ETAA1: variants seen among roughly 807,000 people sequenced by gnomAD.
ETAA1 encodes the protein ewing's tumor-associated antigen 1.
In ETAA1, 49 loss-of-function variants were observed where a neutral mutation model predicts 76.8. The observed-to-expected ratio is 0.64, with a 90% CI of 0.51 to 0.81. The LOEUF is 0.81. ETAA1 is among the 30% of genes least tolerant of loss of function. ETAA1 has a pLI of 0.00. For missense variants in ETAA1, 1,099 were observed against 1,074.0 expected (o/e 1.02, Z -0.32); for synonymous variants, 373 against 372.2 (o/e 1.00, Z -0.03).
chr2:67,402,705 A>G (rs1344476203), intron 3 of ETAA1, 157 bp from the exon 4 acceptor site: 5 of 356,674 alleles, frequency 1.4e-5, no homozygotes, highest in Non-Finnish European at 2.0e-5. Flanking sequence ...CCAACTTCCT[A>G]TTGTTTTTGA....
At chr2:67,407,266 AT>A (rs1676246051) in intron 5 of ETAA1, among the ~76,000 whole-genome samples, 2 of 150,986 alleles carry the variant, frequency 1.3e-5, no homozygotes, top group South Asian at 2.1e-4. Context: ...AAAAAAAAAA[AT>A]CACAAAAGAA....
In ETAA1 at chr2:67,397,698, T is replaced by G. The variant is rs1351685368; in HGVS notation, c.223+27T>G. The stretch of plus-strand genomic sequence containing the variant: ...TGAGACGTCGGCAGCGCGGCCTGCC[T>G]TGGCTTCGGCGCCGCATCCCCACAT... On this transcript the variant is annotated intron_variant, in intron 1 of 5. Transcript: ENST00000272342. The G allele has an allele frequency of 1.9e-6, 3 of 1,540,766 alleles. No individual in the cohort carries two copies. In the East Asian group the frequency reaches 7.3e-5, roughly 38 times the overall value.
Position 67,410,028 on chromosome 2 carries a change from C to CATT in ETAA1, c.2772_2774dup (p.Ser924_Phe925insLeu), listed in dbSNP as rs765838098. 20 of 1,602,158 alleles carry CATT rather than the reference C, an allele frequency of 1.2e-5. No individual in the cohort carries two copies. The African/African-American group carries it at 2.7e-4, about 22-fold the overall frequency. On this transcript the variant is annotated inframe_insertion, in exon 6 of 6. Transcript: ENST00000272342. ...TCATCTGTAAATGCAGCTCCCACTT[C>CATT]ATTTCTTTAATGAAATATTAGTTGG...
rs751870320 is a variant in ETAA1, at chr2:67,404,083, A to C, written c.1401A>C (p.Ser467=). ...CAGAATATAGATTTTCACCAAATTCAAATAAATCAAACAAATTATCCACTG... is the reference window on the plus strand; with the variant it reads ...CAGAATATAGATTTTCACCAAATTCCAATAAATCAAACAAATTATCCACTG... ...IDAEYRFSPN[S]NKSNKLSTGN... is the part of the protein sequence containing the mutation. Residue 467 remains serine (S), a synonymous_variant, in exon 5 of 6, where the codon TCA becomes TCC. Coordinates refer to ENST00000272342, the MANE Select transcript of ETAA1 (RefSeq NM_019002.4). The C allele has an allele frequency of 3.1e-5, 49 of 1,596,624 alleles. No homozygotes were observed. The highest frequency in any genetic ancestry group is 4.1e-5 in the Non-Finnish European group (48 of 1,173,828).
intron 3 of ETAA1, among the ~76,000 whole-genome samples, chr2:67,400,146 T>A (rs1676013190): frequency 6.6e-6 from 1 of 152,178 alleles, no homozygotes; most frequent in Admixed American, 6.5e-5. Context: ...GCAAGTTATT[T>A]AAACTCCCAC....
At chr2:67,409,705 A>G (rs17545245) in intron 5 of ETAA1, among the ~76,000 whole-genome samples, 10,330 of 152,054 alleles carry the variant, frequency 0.068, 458 homozygotes, top group Middle Eastern at 0.13. Context: ...TCAAATAGAG[A>G]CAGATCCATC....
In ETAA1 at chr2:67,403,586, C is replaced by G; in HGVS notation, c.904C>G (p.Pro302Ala). The G allele has an allele frequency of 3.7e-6, 6 of 1,613,254 alleles. No individual in the cohort carries two copies. The highest frequency in any genetic ancestry group is 5.1e-6 in the Non-Finnish European group (6 of 1,179,390). Reference sequence around the variant, plus strand: ...TAGCGGACAGTTAAGCCAAGAACTGCCAGAGGCTTTTTGGAGCACCAGTAA... The same window carrying G: ...TAGCGGACAGTTAAGCCAAGAACTGGCAGAGGCTTTTTGGAGCACCAGTAA... ...KCSGQLSQEL[P>A]EAFWSTSNTT... The change falls in exon 5 of 6, where the codon CCA (proline) becomes GCA (alanine). Residue 302 changes from proline (P) to alanine (A), a missense_variant. Coordinates refer to ENST00000272342, the MANE Select transcript of ETAA1 (RefSeq NM_019002.4).
intron 1 of ETAA1, among the ~76,000 whole-genome samples, chr2:67,398,055 T>G (rs184729268): frequency 6.6e-6 from 1 of 152,162 alleles, no homozygotes; most frequent in Admixed American, 6.5e-5. Context: ...ACCCTTTTTT[T>G]CCCTGTGACC....
chr2:67,405,697 A>G (rs1231445195), intron 5 of ETAA1, among the ~76,000 whole-genome samples: 6 of 152,072 alleles, frequency 3.9e-5, no homozygotes, highest in Admixed American at 3.9e-4. Context: ...AAATTGTTTT[A>G]AAACTTGAGT....
chr2:67,397,495 C>T lies in ETAA1; in HGVS notation c.47C>T (p.Thr16Met), dbSNP rs779721315. 14 of 1,603,194 alleles carry T rather than the reference C, an allele frequency of 8.7e-6. No homozygotes were observed. The South Asian group carries it at 1.6e-4, about 18-fold the overall frequency. Residue 16 changes from threonine (T) to methionine (M), a missense_variant, in exon 1 of 6, where the codon ACG becomes ATG. Thr to Met is a moderately conservative substitution (Grantham distance 81). Coordinates refer to ENST00000272342, the MANE Select transcript of ETAA1 (RefSeq NM_019002.4). ...GATGACAGCCCTAGCCCGAAGAAAA[C>T]GCCGCACAAAACAGTGGCGGCGGAG... is the stretch of plus-strand genomic sequence containing the variant. ...KHDDSPSPKK[T>M]PHKTVAAEEC...
In ETAA1 at chr2:67,397,634, T is replaced by A. The variant is rs1369876011; in HGVS notation, c.186T>A (p.Pro62=). 3 of 1,547,388 alleles carry A rather than the reference T, an allele frequency of 1.9e-6. No homozygotes were observed. The highest frequency in any genetic ancestry group is 2.6e-6 in the Non-Finnish European group (3 of 1,146,646). ...PPGPVRQREQ[P]PTAALCSKSN... The stretch of plus-strand genomic sequence containing the variant: ...GGCCAGTGCGGCAGCGAGAGCAGCC[T>A]CCGACCGCCGCCCTGTGCAGTAAAA... The change falls in exon 1 of 6, where the codon CCT becomes CCA. Residue 62 remains proline, a synonymous_variant. Transcript: ENST00000272342.
At chr2:67,408,448 A>T (rs1371395091) in intron 5 of ETAA1, among the ~76,000 whole-genome samples, 1 of 152,138 alleles carries the variant, frequency 6.6e-6, no homozygotes, top group Admixed American at 6.6e-5. Context: ...CATTATCCAT[A>T]ACTATTTTTG....
chr2:67,407,343 C>T (rs1676247828), intron 5 of ETAA1, among the ~76,000 whole-genome samples: 2 of 151,632 alleles, frequency 1.3e-5, no homozygotes, highest in Non-Finnish European at 1.5e-5. Flanking sequence ...TCCTGGGCTG[C>T]GGGTAGCTTG....
At position 67,403,409 on chromosome 2, in the gene ETAA1, A is replaced by G. The variant is rs991651891; in HGVS notation, c.727A>G (p.Ile243Val). The stretch of plus-strand genomic sequence containing the variant: ...TATACAGATGTGGTCATTACATAAT[A>G]TAGTTCCCGAAATAGATAATGCTAC... ...DNIQMWSLHN[I>V]VPEIDNATKK... is the part of the protein sequence containing the mutation. Residue 243 changes from isoleucine (I) to valine (V), a missense_variant, in exon 5 of 6, where the codon ATA becomes GTA. By Grantham distance (29) the Ile-to-Val change is conservative (BLOSUM62 3). Around this residue, in one of 3 missense-constraint regions of ETAA1, gnomAD observed 761 missense variants for 731.9 expected, o/e 1.04. Coordinates refer to ENST00000272342, the MANE Select transcript of ETAA1 (RefSeq NM_019002.4). 3.1e-6 allele frequency: 5 copies of G among 1,608,784 alleles called. No homozygotes were observed. Among genetic ancestry groups the G allele is most frequent in the Admixed American group, 1.7e-5 (1 of 59,870 alleles).
In ETAA1 at chr2:67,403,951, T is replaced by G. The variant is rs1323777393; in HGVS notation, c.1269T>G (p.Thr423=). ...QKEICTFNSK[T]VKNTSRANTS... is the part of the protein sequence containing the mutation. ...AAATTTGTACCTTTAATAGTAAAAC[T>G]GTTAAAAATACGTCAAGAGCAAATA... is the stretch of plus-strand genomic sequence containing the variant. Residue 423 remains threonine, a synonymous_variant, in exon 5 of 6, where the codon ACT becomes ACG. Coordinates refer to ENST00000272342, the MANE Select transcript of ETAA1 (RefSeq NM_019002.4). 6.2e-7 allele frequency: 1 copy of G among 1,609,404 alleles called. No homozygotes were observed. Among genetic ancestry groups the G allele is most frequent in the Non-Finnish European group, 8.5e-7 (1 of 1,178,456 alleles).
Position 67,403,720 on chromosome 2 carries a change from A to C in ETAA1, c.1038A>C (p.Gln346His). Residue 346 changes from glutamine to histidine, a missense_variant, in exon 5 of 6, where the codon CAA (glutamine) becomes CAC (histidine). This residue lies in a region of ETAA1 where 761 missense variants were observed against 731.9 expected (regional missense o/e 1.04). Coordinates refer to ENST00000272342, the MANE Select transcript of ETAA1 (RefSeq NM_019002.4). Reference protein sequence around the residue: ...SNKTPRSLSSQVDTPIMTKSC... With the variant: ...SNKTPRSLSSHVDTPIMTKSC... Reference sequence around the variant, plus strand: ...AAACCCCACGATCACTTTCTTCTCAAGTAGATACACCCATAATGACAAAAT... The same window carrying C: ...AAACCCCACGATCACTTTCTTCTCACGTAGATACACCCATAATGACAAAAT... 2.5e-6 allele frequency: 4 copies of C among 1,613,450 alleles called. No homozygotes were observed. The highest frequency in any genetic ancestry group is 3.4e-6 in the Non-Finnish European group (4 of 1,179,502).
At chr2:67,409,101 A>G (rs374399538) in intron 5 of ETAA1, among the ~76,000 whole-genome samples, 2 of 152,074 alleles carry the variant, frequency 1.3e-5, no homozygotes, top group African/African-American at 2.4e-5. Flanking sequence ...GGCAGATTAT[A>G]TATTTTGAAA....
rs1676362089 is a variant in ETAA1, at chr2:67,411,203, T to C, written c.*1165T>C. Reference sequence around the variant, plus strand: ...AGGGCGTAAGGCAGGGAGGATGCTTTATTCCTCTTAAATGGTTTTAGGAGA... The same window carrying C: ...AGGGCGTAAGGCAGGGAGGATGCTTCATTCCTCTTAAATGGTTTTAGGAGA... On this transcript the variant is annotated 3_prime_UTR_variant, in exon 6 of 6. Coordinates refer to ENST00000272342, the MANE Select transcript of ETAA1 (RefSeq NM_019002.4). The C allele has an allele frequency of 6.6e-6, 1 of 152,066 alleles. No individual in the cohort carries two copies. The highest frequency in any genetic ancestry group is 1.5e-5 in the Non-Finnish European group (1 of 67,980). 9.4% of individuals were successfully genotyped at this position (152,066 alleles called of 1,614,324 possible).
chr2:67,402,785 T>A (rs1676090761), intron 3 of ETAA1, 77 bp from the exon 4 acceptor site: 2 of 950,808 alleles, frequency 2.1e-6, no homozygotes, highest in African/African-American at 3.4e-5. Context: ...TTGTCTTTTT[T>A]CTTTCTTTTG....
Sources: allele counts gnomAD v4.1 joint callset (sites outside exome capture counted in the v4.1 genomes callset), GRCh38; gene constraint gnomAD v4.1.1; regional missense constraint gnomAD v4.1.1; transcripts MANE v1.5; gene names NCBI Gene and HGNC (gene_info 2026-07-23, HGNC 2026-07-21).